NRG4: variants seen among roughly 807,000 people sequenced by gnomAD.
The protein encoded by NRG4 is pro-neuregulin-4, membrane-bound isoform.
NRG4 carries 10 observed loss-of-function variants against 15.0 expected under a neutral mutation model. That is an observed-to-expected ratio of 0.67 (90% CI 0.41 to 1.13). NRG4 has a LOEUF of 1.13. NRG4 is among the 50% of genes most tolerant of loss of function. The probability of loss-of-function intolerance (pLI) is 0.00; values close to 1 mark genes in which losing one functional copy is unlikely to be tolerated. For missense variants in NRG4, 139 were observed against 140.2 expected (o/e 0.99, Z 0.04); for synonymous variants, 41 against 50.1 (o/e 0.82, Z 0.77).
In NRG4 at chr15:75,942,451, CTA is replaced by C. The variant is rs2031094085; in HGVS notation, c.*1185_*1186del. 1 of 152,274 alleles carries C rather than the reference CTA, an allele frequency of 6.6e-6. No individual in the cohort carries two copies. The highest frequency in any genetic ancestry group is 2.4e-5 in the African/African-American group (1 of 41,552). The allele number at this position is 152,274 out of a possible 1,614,324, so 9.4% of individuals were successfully genotyped here. Reference sequence around the variant, plus strand: ...GGGTGGGGGGAAGCATAGGGGAACTCTATACTATCTGCTCAGTTTTTCTGAAA... The same window carrying C: ...GGGTGGGGGGAAGCATAGGGGAACTCTACTATCTGCTCAGTTTTTCTGAAA... On this transcript the variant is annotated 3_prime_UTR_variant, in exon 6 of 6. Coordinates refer to ENST00000394907, the MANE Select transcript of NRG4 (RefSeq NM_138573.4).
chr15:75,995,876 TAGAGAGGGTATTGTA>T (rs2034195822), intron 3 of NRG4, among the ~76,000 whole-genome samples: 1 of 152,130 alleles, frequency 6.6e-6, no homozygotes, highest in South Asian at 2.1e-4. Context: ...CACTGTTAAG[TAGAGAGGGTATTGTA>T]GCCAGAAGAC....
At chr15:76,024,855 C>T (rs2035261750) in intron 5 of NRG4, among the ~76,000 whole-genome samples, 1 of 152,172 alleles carries the variant, frequency 6.6e-6, no homozygotes, top group Non-Finnish European at 1.5e-5. Context: ...ACCAAACTGA[C>T]ACCCCAAGAC....
At chr15:75,990,348 G>A (rs901700116) in intron 3 of NRG4, among the ~76,000 whole-genome samples, 6 of 151,994 alleles carry the variant, frequency 3.9e-5, no homozygotes, top group African/African-American at 2.4e-5. Context: ...AGAGTACTCC[G>A]CTTGGTGCAC....
intron 5 of NRG4, among the ~76,000 whole-genome samples, chr15:76,030,441 C>CA (rs2035446692): frequency 6.6e-6 from 1 of 152,146 alleles, no homozygotes; most frequent in Non-Finnish European, 1.5e-5. Flanking sequence ...TATGCTTCTA[C>CA]AGCCACCTGA....
At chr15:76,045,727 A>C (rs1490976955) in intron 4 of NRG4, among the ~76,000 whole-genome samples, 1 of 151,002 alleles carries the variant, frequency 6.6e-6, no homozygotes, top group East Asian at 1.9e-4. Context: ...TAAAAATTAA[A>C]ATAATTTAAC....
chr15:76,054,616 T>C (rs1434630913), intron 2 of NRG4, among the ~76,000 whole-genome samples: 1 of 152,200 alleles, frequency 6.6e-6, no homozygotes, highest in Non-Finnish European at 1.5e-5. Context: ...AGTTTCGCCA[T>C]GTTGGCCAGG....
intron 3 of NRG4, among the ~76,000 whole-genome samples, chr15:76,006,275 A>C (rs913486211): frequency 1.3e-5 from 2 of 152,240 alleles, no homozygotes; most frequent in Non-Finnish European, 2.9e-5. Flanking sequence ...TTGAGATGTC[A>C]TAATAGAAAC....
chr15:76,016,790 C>T (rs994738933), upstream of NRG4, among the ~76,000 whole-genome samples: 19 of 151,948 alleles, frequency 1.3e-4, no homozygotes, highest in Admixed American at 5.9e-4. Flanking sequence ...AATGTGGTGC[C>T]GAGAAGAATA....
chr15:75,954,431 CT>C (rs35801035), intron 5 of NRG4, among the ~76,000 whole-genome samples: 60,539 of 131,214 alleles, frequency 0.46, 12,329 homozygotes, highest in Admixed American at 0.51. Flanking sequence ...ATTTCAATTT[CT>C]TTTTTTTTTT....
intron 5 of NRG4, among the ~76,000 whole-genome samples, chr15:76,019,639 C>A (rs2035091303): frequency 6.6e-6 from 1 of 152,198 alleles, no homozygotes; most frequent in Admixed American, 6.5e-5. Context: ...AGGCGACACC[C>A]CACCCTGCTT....
At chr15:76,017,417 G>A (rs538014113), upstream of NRG4, among the ~76,000 whole-genome samples, 1 of 152,096 alleles carries the variant, frequency 6.6e-6, no homozygotes, top group East Asian at 1.9e-4. Flanking sequence ...CTTAGTTGAT[G>A]CAGTTTCTTC....
intron 3 of NRG4, among the ~76,000 whole-genome samples, chr15:75,998,671 T>A (rs2034298036): frequency 6.6e-6 from 1 of 152,190 alleles, no homozygotes; most frequent in African/African-American, 2.4e-5. Context: ...AGAAATAACA[T>A]ATTTATTAAA....
downstream of NRG4, chr15:75,938,370 A>G (rs1265632801): frequency 6.6e-6 from 1 of 152,158 alleles, no homozygotes; most frequent in Admixed American, 6.6e-5. Context: ...TGAATATCCA[A>G]CTCTCAAGGA....
chr15:75,992,959 T>C (rs1161153897), intron 3 of NRG4, among the ~76,000 whole-genome samples: 2 of 152,124 alleles, frequency 1.3e-5, no homozygotes, highest in East Asian at 3.9e-4. Flanking sequence ...GTAATGCTTT[T>C]ATTATTGTCT....
chr15:75,971,020 T>C (rs2460810), intron 3 of NRG4: 3,551 of 231,150 alleles, frequency 0.015, 124 homozygotes, highest in African/African-American at 0.076. Context: ...ATTTTCATTG[T>C]CTTCGAGCTA....
chr15:75,963,425 C>G (rs1487355730), intron 3 of NRG4, among the ~76,000 whole-genome samples: 2 of 152,102 alleles, frequency 1.3e-5, no homozygotes, highest in African/African-American at 4.8e-5. Context: ...GAGAGGATCA[C>G]TTGGGGCCAG....
intron 5 of NRG4, among the ~76,000 whole-genome samples, chr15:76,025,640 C>G (rs1290375544): frequency 6.6e-6 from 1 of 152,004 alleles, no homozygotes; most frequent in Non-Finnish European, 1.5e-5. Context: ...TTTTGGGAGG[C>G]CAAGACTGGT....
At chr15:76,021,185 T>C (rs1055811067) in intron 5 of NRG4, among the ~76,000 whole-genome samples, 1 of 152,192 alleles carries the variant, frequency 6.6e-6, no homozygotes, top group Non-Finnish European at 1.5e-5. Flanking sequence ...CTGTGCTGTA[T>C]AAACAGAACA....
At chr15:75,971,391 T>A (rs1713295563) in intron 3 of NRG4, 1 of 311,012 alleles carries the variant, frequency 3.2e-6, no homozygotes, top group Non-Finnish European at 6.3e-6. Flanking sequence ...TTCTTTAAGC[T>A]CAAATCAATT....
Sources: gnomAD v4.1 joint callset for allele counts (sites outside exome capture counted in the v4.1 genomes callset) on GRCh38, gnomAD v4.1.1 for gene constraint, MANE v1.5 for transcripts, NCBI Gene and HGNC (gene_info 2026-07-23, HGNC 2026-07-21) for gene names.